The following TRIO variants were observed in gnomAD, a reference collection of about 807,000 sequenced individuals.
TRIO encodes the protein trio Rho guanine nucleotide exchange factor, also known as triple functional domain protein.
A neutral mutation model predicts 351.9 loss-of-function variants in TRIO; 58 were observed. That is an observed-to-expected ratio of 0.16 (90% CI 0.13 to 0.21). The LOEUF is 0.21. Ranked by LOEUF, TRIO falls within the 10% of genes least tolerant of loss-of-function variation. The pLI is 1.00. For missense variants in TRIO, 3,201 were observed against 4,027.8 expected (o/e 0.79, Z 5.56); for synonymous variants, 1,758 against 1,595.7 (o/e 1.10, Z -2.42).
intron 34 of TRIO, among the ~76,000 whole-genome samples, chr5:14,433,855 A>G (rs1411206166): frequency 6.6e-6 from 1 of 152,258 alleles, no homozygotes; most frequent in Non-Finnish European, 1.5e-5. Context: ...TTTTCATTCT[A>G]TATTAATTGC....
chr5:14,286,149 C>A lies in TRIO; in HGVS notation c.348-722C>A, dbSNP rs1349508606. Among the ~76,000 whole-genome samples the A allele has an allele frequency of 6.6e-6, 1 of 151,956 alleles. No individual in the cohort carries two copies. Among genetic ancestry groups the A allele is most frequent in the Non-Finnish European group, 1.5e-5 (1 of 68,014 alleles). ...AGAACATAGTGACTCCCAGCACTGC[C>A]TTGACGTGTGTCAGAGGCCAGCAGT... On this transcript the variant is annotated intron_variant, in intron 3 of 56. Coordinates refer to ENST00000344204, the MANE Select transcript of TRIO (RefSeq NM_007118.4). This position sits in a 1 kb window ranked among gnomAD's most constrained non-coding sequence, Gnocchi z 4.4.
intron 1 of TRIO, among the ~76,000 whole-genome samples, chr5:14,227,736 A>G (rs1237875906): frequency 6.6e-6 from 1 of 152,206 alleles, no homozygotes; most frequent in African/African-American, 2.4e-5. Context: ...GGGTTTAAGT[A>G]ATCTGATACG....
At chr5:14,437,205 A>G (rs1454674393) in intron 34 of TRIO, among the ~76,000 whole-genome samples, 2 of 152,128 alleles carry the variant, frequency 1.3e-5, no homozygotes, top group African/African-American at 4.8e-5. Context: ...TTTTTTACTA[A>G]TTATGACTGT....
chr5:14,178,536 G>T (rs867360003), intron 1 of TRIO, among the ~76,000 whole-genome samples: 1 of 152,212 alleles, frequency 6.6e-6, no homozygotes, highest in Non-Finnish European at 1.5e-5. Context: ...AACAGAGATG[G>T]TGTTGAGAGT....
At position 14,492,675 on chromosome 5, in the gene TRIO, C is replaced by A; in HGVS notation, c.7741C>A (p.Leu2581Met). ...NVYQGEVVQI[L>M]ASNQQNMFLV... ...CTACCAAGGAGAGGTCGTTCAAATT[C>A]TGGCCAGCAACCAGCAGAACATGTT... The change falls in exon 49 of 57, where the codon CTG becomes ATG. Residue 2581 changes from leucine to methionine, a missense_variant. Physicochemically the swap from Leu to Met is conservative, Grantham distance 15. Coordinates refer to ENST00000344204, the MANE Select transcript of TRIO (RefSeq NM_007118.4). 1 of 1,614,186 alleles carries A rather than the reference C, an allele frequency of 6.2e-7. No homozygotes were observed. Among genetic ancestry groups the A allele is most frequent in the Non-Finnish European group, 8.5e-7 (1 of 1,180,028 alleles).
intron 1 of TRIO, among the ~76,000 whole-genome samples, chr5:14,242,771 G>T (rs1027215139): frequency 1.3e-5 from 2 of 152,194 alleles, no homozygotes; most frequent in South Asian, 2.1e-4. Flanking sequence ...CAGAGATGAG[G>T]TCTCACTGTG....
In TRIO at chr5:14,487,839, G is replaced by T; in HGVS notation, c.7211G>T (p.Arg2404Leu). 1.3e-6 allele frequency: 2 copies of T among 1,518,922 alleles called. No individual in the cohort carries two copies. The highest frequency in any genetic ancestry group is 1.8e-6 in the Non-Finnish European group (2 of 1,132,814). The allele number at this position is 1,518,922 out of a possible 1,614,324, so 94.1% of individuals were successfully genotyped here. Residue 2404 changes from arginine (R) to leucine (L), a missense_variant, in exon 48 of 57, where the codon CGA becomes CTA. Coordinates refer to ENST00000344204, the MANE Select transcript of TRIO (RefSeq NM_007118.4). ...PPGADAEGSE[R>L]EAEPIPKMKV... ...GGCGCGGACGCCGAGGGGTCCGAGC[G>T]AGAAGCGGAGCCGATCCCCAAGATG...
At chr5:14,218,914 C>T (rs576503059) in intron 1 of TRIO, among the ~76,000 whole-genome samples, 40 of 152,334 alleles carry the variant, frequency 2.6e-4, no homozygotes, top group African/African-American at 5.5e-4. Flanking sequence ...CTGGCAGTGC[C>T]GGCAGCAACC....
intron 15 of TRIO, 148 bp downstream of exon 15, chr5:14,364,964 C>A: frequency 9.5e-7 from 1 of 1,057,520 alleles, no homozygotes; most frequent in Non-Finnish European, 1.3e-6. Context: ...TGCGCACATA[C>A]ACACACCCCC....
intron 19 of TRIO, 137 bp from the exon 20 acceptor site, chr5:14,377,875 A>G (rs1420524729): frequency 2.8e-5 from 18 of 647,636 alleles, no homozygotes; most frequent in Non-Finnish European, 3.6e-5. Flanking sequence ...TGAGACAGGA[A>G]AGCAGTGTGA....
chr5:14,310,440 C>T (rs1312096563), intron 8 of TRIO, among the ~76,000 whole-genome samples: 1 of 152,250 alleles, frequency 6.6e-6, no homozygotes, highest in Non-Finnish European at 1.5e-5. Flanking sequence ...ATCCATTTCT[C>T]AGTTTAACAA....
At chr5:14,172,000 T>TA (rs1337899780) in intron 1 of TRIO, among the ~76,000 whole-genome samples, 1 of 152,222 alleles carries the variant, frequency 6.6e-6, no homozygotes, top group Non-Finnish European at 1.5e-5. Flanking sequence ...AAGAATTACA[T>TA]ACACCTGCAG....
chr5:14,337,455 C>T (rs886832218), intron 11 of TRIO, among the ~76,000 whole-genome samples: 1 of 152,112 alleles, frequency 6.6e-6, no homozygotes, highest in African/African-American at 2.4e-5. Flanking sequence ...AAAGAAAATT[C>T]CCTGCGTCAC....
chr5:14,212,142 A>G (rs2152195488), intron 1 of TRIO, among the ~76,000 whole-genome samples: 1 of 152,296 alleles, frequency 6.6e-6, no homozygotes, highest in South Asian at 2.1e-4. Flanking sequence ...TTGTCTTAAA[A>G]AGAAAAAAAA....
At chr5:14,194,700 T>C (rs1341861356) in intron 1 of TRIO, among the ~76,000 whole-genome samples, 2 of 152,248 alleles carry the variant, frequency 1.3e-5, no homozygotes, top group African/African-American at 2.4e-5. Context: ...AGAGGAATAG[T>C]GTATAGCCTT....
Position 14,368,766 on chromosome 5 carries a change from A to G in TRIO, c.2933A>G (p.Asn978Ser). 2 of 1,614,102 alleles carry G rather than the reference A, an allele frequency of 1.2e-6. No homozygotes were observed. Among genetic ancestry groups the G allele is most frequent in the Non-Finnish European group, 1.7e-6 (2 of 1,180,024 alleles). The change falls in exon 17 of 57, where the codon AAC becomes AGC. Residue 978 changes from asparagine to serine, a missense_variant. Transcript: ENST00000344204. ...QQKAEAMLQANHYDMDMIRDC... is the reference protein window; with the variant it reads ...QQKAEAMLQASHYDMDMIRDC... ...AAGGCAGAAGCCATGCTACAGGCCAACCACTACGACATGGACATGATCCGG... is the reference window on the plus strand; with the variant it reads ...AAGGCAGAAGCCATGCTACAGGCCAGCCACTACGACATGGACATGATCCGG...
chr5:14,432,772 A>G (rs570274414), intron 34 of TRIO, among the ~76,000 whole-genome samples: 46 of 152,326 alleles, frequency 3.0e-4, no homozygotes, highest in African/African-American at 1.1e-3. Context: ...GGAGTAAAAG[A>G]TTTTTGCCCC....
chr5:14,430,175 A>G (rs919348141), intron 34 of TRIO, among the ~76,000 whole-genome samples: 50 of 147,684 alleles, frequency 3.4e-4, no homozygotes, highest in Admixed American at 7.6e-4. Context: ...GCGTGTAATG[A>G]TATTTGCGTG....
chr5:14,312,018 T>C (rs1738973842), intron 8 of TRIO, among the ~76,000 whole-genome samples: 1 of 152,166 alleles, frequency 6.6e-6, no homozygotes, highest in African/African-American at 2.4e-5. Flanking sequence ...GCTTTTGCAG[T>C]GGTAAGCAAG....
Sources: allele counts gnomAD v4.1 joint callset (sites outside exome capture counted in the v4.1 genomes callset), GRCh38; gene constraint gnomAD v4.1.1; non-coding constraint Gnocchi (gnomAD v3.1); transcripts MANE v1.5; gene names NCBI Gene and HGNC (gene_info 2026-07-23, HGNC 2026-07-21).